The following PINX1 variants were observed in gnomAD, a reference collection of about 807,000 sequenced individuals.
PINX1 encodes PIN2/TERF1-interacting telomerase inhibitor 1.
In PINX1, 34 loss-of-function variants were observed where a neutral mutation model predicts 25.4. That is an observed-to-expected ratio of 1.34 (90% CI 1.02 to 1.78). The LOEUF is 1.78. Ranked by LOEUF, PINX1 falls within the 40% of genes most tolerant of loss-of-function variation. PINX1 has a pLI of 0.00. For missense variants in PINX1, 592 were observed against 404.9 expected (o/e 1.46, Z -3.97); for synonymous variants, 197 against 147.7 (o/e 1.33, Z -2.42).
At chr8:10,811,152 C>G (rs992852763) in intron 6 of PINX1, among the ~76,000 whole-genome samples, 4 of 152,242 alleles carry the variant, frequency 2.6e-5, no homozygotes, top group African/African-American at 4.8e-5. Flanking sequence ...CTCCCTGGAT[C>G]TTTTATTATC....
At chr8:10,789,680 C>G (rs1006410111) in intron 6 of PINX1, among the ~76,000 whole-genome samples, 2 of 152,214 alleles carry the variant, frequency 1.3e-5, no homozygotes, top group Non-Finnish European at 2.9e-5. Context: ...AAAACGCAAG[C>G]TGCTAAAGAG....
At chr8:10,773,007 T>G (rs1472644780) in intron 6 of PINX1, among the ~76,000 whole-genome samples, 1 of 152,166 alleles carries the variant, frequency 6.6e-6, no homozygotes, top group Non-Finnish European at 1.5e-5. Context: ...TTACATGAAT[T>G]TCAAATACCA....
At chr8:10,816,191 G>A (rs887951534) in intron 6 of PINX1, among the ~76,000 whole-genome samples, 2 of 152,230 alleles carry the variant, frequency 1.3e-5, no homozygotes, top group African/African-American at 2.4e-5. Context: ...AAGGGGCACA[G>A]AGCTGTATGA....
chr8:10,770,784 T>C (rs1285126103), intron 6 of PINX1, among the ~76,000 whole-genome samples: 2 of 152,182 alleles, frequency 1.3e-5, no homozygotes, highest in Non-Finnish European at 2.9e-5. Flanking sequence ...AACATGCCAG[T>C]CCAGGAAATG....
Position 10,839,606 on chromosome 8 carries a change from G to C in PINX1, c.19+132C>G, listed in dbSNP as rs552286814. The stretch of plus-strand genomic sequence containing the variant: ...AGCAGGACAATCAGAGCCGGGCTCG[G>C]CTCCCCGGTCCCCCGATCCCATGCG... On this transcript the variant is annotated intron_variant, in intron 1 of 6. Transcript: ENST00000314787. The C allele has an allele frequency of 1.4e-5, 13 of 910,982 alleles. No individual in the cohort carries two copies. In the African/African-American group the frequency reaches 1.8e-4, roughly 13 times the overall value. 56.4% of individuals were successfully genotyped at this position (910,982 alleles called of 1,614,324 possible). A position where few individuals can be genotyped will look rare whatever the true frequency, so the allele number is the denominator to read the frequency against.
rs185259146 is a variant in PINX1 at position 10,768,357 on chromosome 8, A to G, written c.472-2441T>C. 7.9e-5 allele frequency among the ~76,000 whole-genome samples: 12 copies of G among 152,374 alleles called. No homozygotes were observed. The East Asian group carries it at 2.1e-3, about 27-fold the overall frequency. Reference sequence around the variant, plus strand: ...ACCTTGTGAATTCCTGATTTTAATCACCGGAACTAATTGCTGGTATTAATC... The same window carrying G: ...ACCTTGTGAATTCCTGATTTTAATCGCCGGAACTAATTGCTGGTATTAATC... On this transcript the variant is annotated intron_variant, in intron 6 of 6. Transcript: ENST00000314787.
rs33980988 is a variant in PINX1, at chr8:10,813,912, G to GA, written c.471+6280dup. On this transcript the variant is annotated intron_variant, in intron 6 of 6. Coordinates refer to ENST00000314787, the MANE Select transcript of PINX1 (RefSeq NM_017884.6). Reference sequence around the variant, plus strand: ...TGGGGGAGGGAAAAAAATGAGAGAGGAAAAAAAAAAAGAGTAGCAGGAAGT... The same window carrying GA: ...TGGGGGAGGGAAAAAAATGAGAGAGGAAAAAAAAAAAAGAGTAGCAGGAAGT... Among the ~76,000 whole-genome samples the GA allele has an allele frequency of 2.7e-4, 39 of 144,510 alleles. No individual in the cohort carries two copies. The South Asian group carries it at 3.1e-3, about 11-fold the overall frequency. 94.8% of individuals were successfully genotyped at this position (144,510 alleles called of 152,430 possible). A position where few individuals can be genotyped will look rare whatever the true frequency, so the allele number is the denominator to read the frequency against.
At chr8:10,767,561 A>T (rs1801093627) in intron 6 of PINX1, among the ~76,000 whole-genome samples, 1 of 152,248 alleles carries the variant, frequency 6.6e-6, no homozygotes, top group African/African-American at 2.4e-5. Flanking sequence ...AAAATAAAAA[A>T]AATCTGCCTC....
At chr8:10,836,106 A>C (rs1798397787) in intron 1 of PINX1, among the ~76,000 whole-genome samples, 1 of 152,144 alleles carries the variant, frequency 6.6e-6, no homozygotes, top group Admixed American at 6.5e-5. Context: ...CTCATCACAT[A>C]ATTAAAAAAT....
Position 10,783,793 on chromosome 8 carries a change from A to T in PINX1, c.472-17877T>A, listed in dbSNP as rs188344578. Among the ~76,000 whole-genome samples the T allele has an allele frequency of 7.0e-4, 107 of 152,326 alleles. 2 individuals carry two copies. Among genetic ancestry groups the T allele is most frequent in the Non-Finnish European group, 2.1e-4 (14 of 68,018 alleles). ...AATGATTAAAGTACTATTACTCAGA[A>T]CTATGAAATAATGAGATATTACCCT... On this transcript the variant is annotated intron_variant, in intron 6 of 6. Transcript: ENST00000314787.
chr8:10,813,282 C>G (rs1797594209), intron 6 of PINX1, among the ~76,000 whole-genome samples: 1 of 152,116 alleles, frequency 6.6e-6, no homozygotes. Flanking sequence ...CTATAAACCC[C>G]TCTTGAAAAT....
chr8:10,812,396 G>A (rs6993632), intron 6 of PINX1, among the ~76,000 whole-genome samples: 12,871 of 152,138 alleles, frequency 0.085, 771 homozygotes, highest in African/African-American at 0.16. Flanking sequence ...TCCAGAATGA[G>A]AGAAGGTCAG....
At chr8:10,818,506 A>G (rs568959722) in intron 6 of PINX1, among the ~76,000 whole-genome samples, 1 of 152,342 alleles carries the variant, frequency 6.6e-6, no homozygotes, top group East Asian at 1.9e-4. Context: ...AAAGTTCTAC[A>G]AAAGCCCACA....
chr8:10,801,428 T>C (rs941437604), intron 6 of PINX1, among the ~76,000 whole-genome samples: 8 of 152,236 alleles, frequency 5.3e-5, no homozygotes, highest in African/African-American at 9.6e-5. Flanking sequence ...AAAGTGAGCA[T>C]AGGCTGTCAT....
intron 4 of PINX1, among the ~76,000 whole-genome samples, chr8:10,829,857 T>G (rs538382182): frequency 2.6e-5 from 4 of 152,292 alleles, no homozygotes; most frequent in African/African-American, 9.6e-5. Flanking sequence ...GCTAATTTTG[T>G]ATTTTTAGGA....
chr8:10,826,658 A>G (rs1408222400), intron 4 of PINX1, among the ~76,000 whole-genome samples: 1 of 152,220 alleles, frequency 6.6e-6, no homozygotes, highest in Non-Finnish European at 1.5e-5. Flanking sequence ...TTACAGTGGA[A>G]TACCACTCCA....
intron 6 of PINX1, among the ~76,000 whole-genome samples, chr8:10,792,273 C>G (rs1348507079): frequency 1.3e-5 from 2 of 152,016 alleles, no homozygotes; most frequent in Non-Finnish European, 2.9e-5. Flanking sequence ...ACTGCTACTT[C>G]TGCTTGAAAA....
chr8:10,839,072 C>T (rs114143338), intron 1 of PINX1, among the ~76,000 whole-genome samples: 2,134 of 152,278 alleles, frequency 0.014, 63 homozygotes, highest in African/African-American at 0.049. Context: ...GGCAAGCGAC[C>T]TTCGCTACAG....
chr8:10,799,350 T>C (rs913854417), intron 6 of PINX1, among the ~76,000 whole-genome samples: 1 of 152,216 alleles, frequency 6.6e-6, no homozygotes, highest in Non-Finnish European at 1.5e-5. Flanking sequence ...CTGTTGCTTT[T>C]ACAAGCGAAC....
Sources: allele counts gnomAD v4.1 joint callset (sites outside exome capture counted in the v4.1 genomes callset), GRCh38; gene constraint gnomAD v4.1.1; transcripts MANE v1.5; gene names NCBI Gene and HGNC (gene_info 2026-07-23, HGNC 2026-07-21).